The following NXPE4 variants were observed in gnomAD, a reference collection of about 807,000 sequenced individuals.
The protein encoded by NXPE4 is neurexophilin and PC-esterase domain family member 4, also known as NXPE family member 4.
Under a neutral mutation model 33.3 loss-of-function variants are expected in NXPE4, and 42 were observed. The ratio of observed to expected loss-of-function variants is 1.26; its 90% confidence interval spans 0.98 to 1.63. The LOEUF is 1.63. NXPE4 is among the 40% of genes most tolerant of loss of function. NXPE4 has a pLI of 0.00. For missense variants in NXPE4, 709 were observed against 647.6 expected (o/e 1.09, Z -1.03); for synonymous variants, 253 against 234.9 (o/e 1.08, Z -0.71).
chr11:114,626,428 C>T, the NXPE4 span, among the ~76,000 whole-genome samples: 3 of 151,876 alleles, frequency 2.0e-5, no homozygotes, highest in Non-Finnish European at 4.4e-5. Flanking sequence ...TGACACCTCA[C>T]GTGGCCGGGT....
the NXPE4 span, among the ~76,000 whole-genome samples, chr11:114,612,357 C>T: frequency 6.6e-6 from 1 of 152,034 alleles, no homozygotes; most frequent in African/African-American, 2.4e-5. Context: ...TCGTGGGTAA[C>T]CACAGTTACC....
chr11:114,653,115 A>T, the NXPE4 span, among the ~76,000 whole-genome samples: 1 of 152,202 alleles, frequency 6.6e-6, no homozygotes, highest in Non-Finnish European at 1.5e-5. Flanking sequence ...GGGTTTTCTA[A>T]GAAGCATAAA....
At chr11:114,665,105 G>C in the NXPE4 span, among the ~76,000 whole-genome samples, 8 of 152,110 alleles carry the variant, frequency 5.3e-5, no homozygotes, top group Admixed American at 5.2e-4. Context: ...AACAAAATGT[G>C]TATTAGGGTT....
the NXPE4 span, among the ~76,000 whole-genome samples, chr11:114,651,480 G>C: frequency 0.16 from 24,790 of 152,202 alleles, 2,511 homozygotes; most frequent in East Asian, 0.38. Flanking sequence ...GCAGCAGCAA[G>C]ATTTATTGCA....
chr11:114,618,406 T>A, the NXPE4 span, among the ~76,000 whole-genome samples: 2 of 152,008 alleles, frequency 1.3e-5, no homozygotes, highest in Admixed American at 1.3e-4. Flanking sequence ...TAATAAGTAT[T>A]GCCTCATGGG....
At chr11:114,641,781 A>G in the NXPE4 span, among the ~76,000 whole-genome samples, 1 of 152,214 alleles carries the variant, frequency 6.6e-6, no homozygotes, top group South Asian at 2.1e-4. Context: ...AAAAGAAAAT[A>G]CAGAAGCGAT....
chr11:114,670,932 A>T, the NXPE4 span, among the ~76,000 whole-genome samples: 1 of 151,722 alleles, frequency 6.6e-6, no homozygotes, highest in Non-Finnish European at 1.5e-5. Context: ...ACTGCAAGAT[A>T]GCCAATATAA....
At chr11:114,637,696 A>C in the NXPE4 span, among the ~76,000 whole-genome samples, 9 of 150,790 alleles carry the variant, frequency 6.0e-5, no homozygotes, top group Admixed American at 6.0e-4. Context: ...TTGTCTGTAA[A>C]GTATTGTATT....
At chr11:114,628,969 A>C in the NXPE4 span, among the ~76,000 whole-genome samples, 900 of 151,972 alleles carry the variant, frequency 5.9e-3, 8 homozygotes, top group Non-Finnish European at 9.8e-3. Context: ...AAGACTAAAC[A>C]AGGAAGAAGT....
chr11:114,634,935 T>A, the NXPE4 span, among the ~76,000 whole-genome samples: 1 of 152,048 alleles, frequency 6.6e-6, no homozygotes, highest in South Asian at 2.1e-4. Context: ...TAGGATGAAC[T>A]TGGTGATGAG....
intron 5 of NXPE4, among the ~76,000 whole-genome samples, chr11:114,574,663 G>C (rs986052757): frequency 6.6e-6 from 1 of 152,048 alleles, no homozygotes; most frequent in Admixed American, 6.6e-5. Flanking sequence ...TAGAATCTCT[G>C]AACAGACCAG....
the NXPE4 span, among the ~76,000 whole-genome samples, chr11:114,610,434 A>T: frequency 6.6e-6 from 1 of 151,636 alleles, no homozygotes. Context: ...CTCTCGGGTA[A>T]CCACTGTTTC....
intron 5 of NXPE4, among the ~76,000 whole-genome samples, chr11:114,573,170 A>G (rs1190080290): frequency 6.6e-6 from 1 of 152,192 alleles, no homozygotes; most frequent in Non-Finnish European, 1.5e-5. Context: ...AGAATTTGCC[A>G]GTACCAGCAA....
At chr11:114,602,052 TTA>T in the NXPE4 span, among the ~76,000 whole-genome samples, 128 of 94,242 alleles carry the variant, frequency 1.4e-3, no homozygotes, top group African/African-American at 1.9e-3. Context: ...ATATATTATA[TTA>T]TATATATTAT....
intron 2 of NXPE4, among the ~76,000 whole-genome samples, chr11:114,587,627 C>G (rs1303040625): frequency 6.6e-6 from 1 of 152,176 alleles, no homozygotes; most frequent in Non-Finnish European, 1.5e-5. Context: ...ATGGATGGCA[C>G]CTTAAAAGAT....
At chr11:114,676,196 T>C in the NXPE4 span, among the ~76,000 whole-genome samples, 1 of 151,794 alleles carries the variant, frequency 6.6e-6, no homozygotes, top group Non-Finnish European at 1.5e-5. Flanking sequence ...GTATGGTCAC[T>C]GAGGTTTTTT....
chr11:114,610,363 A>C, the NXPE4 span, among the ~76,000 whole-genome samples: 6 of 150,286 alleles, frequency 4.0e-5, no homozygotes, highest in Non-Finnish European at 8.9e-5. Context: ...ACTGTTACCC[A>C]GTTGATAATA....
chr11:114,633,016 A>ATT, the NXPE4 span, among the ~76,000 whole-genome samples: 2 of 107,038 alleles, frequency 1.9e-5, no homozygotes, highest in Non-Finnish European at 3.4e-5. Context: ...TATATTATAT[A>ATT]ATATATAATG....
Position 114,582,865 on chromosome 11 carries a change from G to A in NXPE4, c.253C>T (p.Pro85Ser). 1 of 1,614,200 alleles carries A rather than the reference G, an allele frequency of 6.2e-7. No homozygotes were observed. Among genetic ancestry groups the A allele is most frequent in the Non-Finnish European group, 8.5e-7 (1 of 1,180,010 alleles). The change falls in exon 3 of 6, where the codon CCC becomes TCC. Residue 85 changes from proline (P) to serine (S), a missense_variant. Coordinates refer to ENST00000375478, the MANE Select transcript of NXPE4 (RefSeq NM_001077639.2). ...GTGTTCACGTGGGTGAAAGGTCTGG[G>A]TGGGATCTGCTGATCTAGTTTCTCT... ...IIEKLDQQIP[P>S]RPFTHVNTTT...
Sources: gnomAD v4.1 joint callset for allele counts (sites outside exome capture counted in the v4.1 genomes callset) on GRCh38, gnomAD v4.1.1 for gene constraint, MANE v1.5 for transcripts, NCBI Gene and HGNC (gene_info 2026-07-23, HGNC 2026-07-21) for gene names.